Variants in ELF5 observed in about 807,000 individuals in gnomAD.
The protein encoded by ELF5 is E74 like ETS transcription factor 5.
Under a neutral mutation model 38.2 loss-of-function variants are expected in ELF5, and 31 were observed. The observed-to-expected ratio is 0.81, with a 90% confidence interval of 0.61 to 1.10. ELF5 has a LOEUF of 1.10. Among genes scored for constraint, ELF5 ranks in the 50% least tolerant of loss-of-function variants. The pLI, the probability that ELF5 is intolerant of heterozygous loss-of-function variation, is 0.00. For missense variants in ELF5, 300 were observed against 306.6 expected, an observed-to-expected ratio of 0.98 and a Z score of 0.16; for synonymous variants, 121 against 112.5, an observed-to-expected ratio of 1.08 and a Z score of -0.48.
Position 34,489,870 on chromosome 11 carries a change from G to A in ELF5, c.406+139C>T, listed in dbSNP as rs561131043. 1,032 of 1,012,056 alleles carry A rather than the reference G, an allele frequency of 1.0e-3. 1 individual carries two copies. Among genetic ancestry groups the A allele is most frequent in the Non-Finnish European group, 1.4e-3 (909 of 649,928 alleles). 62.7% of individuals were successfully genotyped at this position (1,012,056 alleles called of 1,614,324 possible). On this transcript the variant is annotated intron_variant, in intron 4 of 6. Transcript: ENST00000257832. ...CTTTCTGTCACACTCTTTCCACCAC[G>A]CTTTTCCCCACTGCTTTCTCCAGGT...
At chr11:34,481,061 C>T (rs1487254314) in intron 5 of ELF5, 94 bp from the exon 6 acceptor site, 15 of 1,052,204 alleles carry the variant, frequency 1.4e-5, no homozygotes, top group South Asian at 1.1e-4. Context: ...CTTGCTCTGT[C>T]GCCCAGGCTG....
chr11:34,479,922 T>A lies in ELF5; in HGVS notation c.*296A>T, dbSNP rs919105941. 1.3e-5 allele frequency: 4 copies of A among 315,572 alleles called. No homozygotes were observed. Among genetic ancestry groups the A allele is most frequent in the Non-Finnish European group, 1.2e-5 (2 of 171,518 alleles). 19.5% of individuals were successfully genotyped at this position (315,572 alleles called of 1,614,324 possible). ...ATAGTTTTTCTCTGATCAGCATCAA[T>A]GGCATGGGCTGTTGTCATTCCACAA... On this transcript the variant is annotated 3_prime_UTR_variant, in exon 7 of 7. Transcript: ENST00000257832.
rs1850599183 is a variant in ELF5 at position 34,505,716 on chromosome 11, G to T, written c.34C>A (p.Pro12Thr). 10 of 1,614,070 alleles carry T rather than the reference G, an allele frequency of 6.2e-6. No individual in the cohort carries two copies. The highest frequency in any genetic ancestry group is 7.6e-6 in the Non-Finnish European group (9 of 1,179,970). Residue 12 changes from proline to threonine, a missense_variant, in exon 2 of 7, where the codon CCT (proline) becomes ACT (threonine). Transcript: ENST00000257832. ...LDSVTHSTFLPNASFCDPLMS... is the reference protein window; with the variant it reads ...LDSVTHSTFLTNASFCDPLMS... ...AGGGGATCGCAGAAGGATGCATTAGGCAGGAAGGTGCTGTGTGTCACCGAG... is the reference window on the plus strand; with the variant it reads ...AGGGGATCGCAGAAGGATGCATTAGTCAGGAAGGTGCTGTGTGTCACCGAG...
chr11:34,496,065 C>T (rs144653340), intron 2 of ELF5, among the ~76,000 whole-genome samples: 177 of 152,350 alleles, frequency 1.2e-3, no homozygotes, highest in African/African-American at 3.7e-3. Context: ...CCCTCCCCTC[C>T]CCTCTCTGCT....
chr11:34,513,271 G>C (rs1470283722), intron 1 of ELF5, among the ~76,000 whole-genome samples: 2 of 152,178 alleles, frequency 1.3e-5, no homozygotes, highest in African/African-American at 4.8e-5. Flanking sequence ...AGGCCGGTGG[G>C]GAAAGGAATT....
intron 1 of ELF5, chr11:34,511,432 T>G: frequency 2.8e-6 from 4 of 1,420,622 alleles, no homozygotes; most frequent in Admixed American, 1.8e-5. Context: ...TTCCCCCAAA[T>G]GTAGTCATCA....
chr11:34,491,776 A>C (rs1429598861), intron 3 of ELF5: 1 of 152,120 alleles, frequency 6.6e-6, no homozygotes, highest in African/African-American at 2.4e-5. Flanking sequence ...GGGTTTCACC[A>C]TGTTGGCCAG....
intron 4 of ELF5, among the ~76,000 whole-genome samples, chr11:34,484,308 C>T (rs62637250): frequency 0.083 from 12,531 of 151,424 alleles, 696 homozygotes; most frequent in Non-Finnish European, 0.13. Context: ...ACTATACTAA[C>T]TATACTGTAC....
chr11:34,498,187 G>T (rs1424637622), intron 2 of ELF5, among the ~76,000 whole-genome samples: 1 of 152,100 alleles, frequency 6.6e-6, no homozygotes, highest in Non-Finnish European at 1.5e-5. Context: ...ACTTATCTGG[G>T]CTATTAAAAG....
At chr11:34,501,849 A>C (rs998419766) in intron 2 of ELF5, among the ~76,000 whole-genome samples, 9 of 152,112 alleles carry the variant, frequency 5.9e-5, no homozygotes, top group Admixed American at 3.9e-4. Context: ...TGGTTTTCCT[A>C]AATAGGCTGA....
At chr11:34,492,671 C>T (rs1392633887) in intron 3 of ELF5, 1 of 152,208 alleles carries the variant, frequency 6.6e-6, no homozygotes, top group Non-Finnish European at 1.5e-5. Flanking sequence ...TCAAAAAGCC[C>T]ATGGAGGTGT....
At chr11:34,509,150 C>T (rs1393019270) in intron 1 of ELF5, among the ~76,000 whole-genome samples, 8 of 152,044 alleles carry the variant, frequency 5.3e-5, no homozygotes, top group African/African-American at 1.2e-4. Context: ...GACAACATGG[C>T]GAAACCCCGT....
intron 2 of ELF5, among the ~76,000 whole-genome samples, chr11:34,500,039 G>A (rs747545838): frequency 2.6e-5 from 4 of 152,168 alleles, no homozygotes; most frequent in Non-Finnish European, 4.4e-5. Flanking sequence ...ATGACAGTAA[G>A]TTTTCAGTAT....
intron 3 of ELF5, chr11:34,491,613 T>C (rs1012756254): frequency 7.2e-5 from 11 of 151,986 alleles, no homozygotes; most frequent in Non-Finnish European, 1.5e-4. Context: ...TTTGCTCTTT[T>C]TGCCCAGGCT....
intron 4 of ELF5, among the ~76,000 whole-genome samples, chr11:34,489,206 G>A (rs1850094369): frequency 6.6e-6 from 1 of 152,236 alleles, no homozygotes; most frequent in African/African-American, 2.4e-5. Flanking sequence ...TAGGATCCAA[G>A]TAACGTGAGT....
intron 4 of ELF5, among the ~76,000 whole-genome samples, chr11:34,484,449 A>G (rs1857023931): frequency 1.5e-5 from 2 of 131,366 alleles, no homozygotes; most frequent in Admixed American, 8.0e-5. Context: ...ACTGTAGTAT[A>G]CTAACTATAC....
chr11:34,512,729 G>T (rs142191456), intron 1 of ELF5, among the ~76,000 whole-genome samples: 1 of 152,138 alleles, frequency 6.6e-6, no homozygotes, highest in East Asian at 1.9e-4. Context: ...AAAGGGAGAT[G>T]ACCAAACTGA....
intron 4 of ELF5, among the ~76,000 whole-genome samples, chr11:34,487,072 C>G (rs114755267): frequency 6.6e-6 from 1 of 152,078 alleles, no homozygotes; most frequent in Non-Finnish European, 1.5e-5. Context: ...TCATACCTCC[C>G]CTTGTGCCCA....
chr11:34,492,806 T>C (rs1349648146), intron 3 of ELF5: 1 of 154,210 alleles, frequency 6.5e-6, no homozygotes. Context: ...TCCAAGCCCT[T>C]GCTTTGTACT....
Sources: gnomAD v4.1 joint callset for allele counts (sites outside exome capture counted in the v4.1 genomes callset) on GRCh38, gnomAD v4.1.1 for gene constraint, MANE v1.5 for transcripts, NCBI Gene and HGNC (gene_info 2026-07-23, HGNC 2026-07-21) for gene names.